Variants in CEBPZ observed in about 807,000 individuals in gnomAD.
CEBPZ encodes CCAAT/enhancer-binding protein zeta.
A neutral mutation model predicts 104.5 loss-of-function variants in CEBPZ; 78 were observed. The observed-to-expected ratio is 0.75, with a 90% CI of 0.62 to 0.90. The LOEUF (loss-of-function observed/expected upper bound fraction) is 0.90. Ranked by LOEUF, CEBPZ falls within the 40% of genes least tolerant of loss-of-function variation. The pLI is 0.00. For synonymous variants in CEBPZ, 470 were observed against 427.0 expected (o/e 1.10, Z -1.24); for missense variants, 1,439 against 1,233.5 (o/e 1.17, Z -2.50).
rs144243454 is a variant in CEBPZ at position 37,223,562 on chromosome 2, T to C, written c.1650-161A>G. On this transcript the variant is annotated intron_variant, in intron 2 of 15. Transcript: ENST00000234170. Reference sequence around the variant, plus strand: ...CCCTAAGAGGTAAGATGGAAGTCAATGACCAGAAAAGGATGATGATGGCAC... The same window carrying C: ...CCCTAAGAGGTAAGATGGAAGTCAACGACCAGAAAAGGATGATGATGGCAC... Among the ~76,000 whole-genome samples the C allele has an allele frequency of 3.9e-4, 60 of 152,300 alleles. No homozygotes were observed. In the East Asian group the frequency reaches 0.01, roughly 26 times the overall value.
At chr2:37,230,349 A>C (rs1383684310) in intron 1 of CEBPZ, among the ~76,000 whole-genome samples, 1 of 152,240 alleles carries the variant, frequency 6.6e-6, no homozygotes, top group Admixed American at 6.5e-5. Context: ...AAAGATATAA[A>C]ATGCAGTTGT....
At chr2:37,203,865 T>C (rs1293346560) in intron 13 of CEBPZ, 1 of 152,214 alleles carries the variant, frequency 6.6e-6, no homozygotes, top group Non-Finnish European at 1.5e-5. Flanking sequence ...ATCCATGTTG[T>C]AGTACTCCAT....
Position 37,222,410 on chromosome 2 carries a change from C to G in CEBPZ, c.2035G>C (p.Ala679Pro). 6.3e-7 allele frequency: 1 copy of G among 1,594,080 alleles called. No homozygotes were observed. Among genetic ancestry groups the G allele is most frequent in the Non-Finnish European group, 8.5e-7 (1 of 1,173,928 alleles). ...AAATTATCAAAGTGCACCCAGGAAG[C>G]AACCTCTGGTTTTTTGGTTTCTACA... is the stretch of plus-strand genomic sequence containing the variant. ...TDVETKKPEV[A>P]SWVHFDNLKG... The change falls in exon 4 of 16, where the codon GCT (alanine) becomes CCT (proline). Residue 679 changes from alanine to proline, a missense_variant. Physicochemically the swap from Ala to Pro is conservative, Grantham distance 27. Transcript: ENST00000234170.
At chr2:37,217,190 A>T (rs1431651149) in intron 5 of CEBPZ, among the ~76,000 whole-genome samples, 153 bp from the exon 6 acceptor site, 1 of 152,048 alleles carries the variant, frequency 6.6e-6, no homozygotes, top group Non-Finnish European at 1.5e-5. Flanking sequence ...TTGAGCCCAG[A>T]AGTTGAGACT....
intron 13 of CEBPZ, chr2:37,204,008 G>GT (rs1677417446): frequency 6.6e-6 from 1 of 152,102 alleles, no homozygotes; most frequent in Non-Finnish European, 1.5e-5. Context: ...ACAAGTCTTT[G>GT]TATCAGAGCC....
intron 13 of CEBPZ, chr2:37,209,059 A>AG (rs70949743): frequency 1.3e-5 from 2 of 150,262 alleles, no homozygotes; most frequent in African/African-American, 4.9e-5. Context: ...AAAAAAAAAA[A>AG]AATAATAATA....
At chr2:37,209,973 G>A (rs1677667323) in intron 13 of CEBPZ, 1 of 152,086 alleles carries the variant, frequency 6.6e-6, no homozygotes, top group South Asian at 2.1e-4. Context: ...TTAAGGATAT[G>A]AACAGACAAT....
chr2:37,203,326 A>G (rs1239879010), intron 13 of CEBPZ: 1 of 177,220 alleles, frequency 5.6e-6, no homozygotes, highest in African/African-American at 2.4e-5. Context: ...TCAGTTTGAC[A>G]TGGATGGGTT....
chr2:37,214,871 T>C lies in CEBPZ; in HGVS notation c.2447+15A>G. 1 of 1,556,124 alleles carries C rather than the reference T, an allele frequency of 6.4e-7. No homozygotes were observed. Among genetic ancestry groups the C allele is most frequent in the Non-Finnish European group, 8.8e-7 (1 of 1,134,268 alleles). On this transcript the variant is annotated intron_variant, in intron 9 of 15. Transcript: ENST00000234170. Reference sequence around the variant, plus strand: ...TTAGCAGTTTCCCCAAATGAAACTATATTATGTATAGTACCTGTGGAAAAA... The same window carrying C: ...TTAGCAGTTTCCCCAAATGAAACTACATTATGTATAGTACCTGTGGAAAAA...
chr2:37,211,792 C>T lies in CEBPZ; in HGVS notation c.2800+51G>A, dbSNP rs763886526. Reference sequence around the variant, plus strand: ...CTTTAGCAGAAAAACAAACTTAAGGCTAAGGAAGTGAGGAAGACACAGTTT... The same window carrying T: ...CTTTAGCAGAAAAACAAACTTAAGGTTAAGGAAGTGAGGAAGACACAGTTT... On this transcript the variant is annotated intron_variant, in intron 12 of 15. Transcript: ENST00000234170. 4.4e-6 allele frequency: 6 copies of T among 1,367,616 alleles called. 1 individual carries two copies. In the South Asian group the frequency reaches 8.7e-5, roughly 20 times the overall value. The allele number at this position is 1,367,616 out of a possible 1,614,324, so 84.7% of individuals were successfully genotyped here. A position where few individuals can be genotyped will look rare whatever the true frequency, so the allele number is the denominator to read the frequency against.
chr2:37,207,948 T>G (rs1319953009), intron 13 of CEBPZ, among the ~76,000 whole-genome samples: 1 of 151,960 alleles, frequency 6.6e-6, no homozygotes, highest in Non-Finnish European at 1.5e-5. Flanking sequence ...TAAGCTCAAT[T>G]AGAGACGAAA....
At chr2:37,210,927 C>G in intron 13 of CEBPZ, 72 bp downstream of exon 13, 3 of 961,430 alleles carry the variant, frequency 3.1e-6, no homozygotes, top group Non-Finnish European at 1.5e-6. Flanking sequence ...TAGGAGAGTT[C>G]ATTTCCCAAA....
intron 5 of CEBPZ, among the ~76,000 whole-genome samples, chr2:37,218,463 A>G (rs1313214063): frequency 6.6e-6 from 1 of 152,190 alleles, no homozygotes; most frequent in Non-Finnish European, 1.5e-5. Flanking sequence ...AGTCTTTCAC[A>G]TAGCTGTGAA....
intron 10 of CEBPZ, 165 bp from the exon 11 acceptor site, chr2:37,212,557 A>C: frequency 1.7e-6 from 1 of 601,430 alleles, no homozygotes; most frequent in Non-Finnish European, 2.9e-6. Context: ...TAATGTATAC[A>C]AACCTGTGAA....
Position 37,228,103 on chromosome 2 carries a change from G to C in CEBPZ, c.1090C>G (p.Arg364Gly), listed in dbSNP as rs1348911048. The C allele has an allele frequency of 5.6e-6, 9 of 1,614,040 alleles. No homozygotes were observed. The highest frequency in any genetic ancestry group is 2.2e-5 in the South Asian group (2 of 91,086). ...AGCTCATGAGCCACGGTAAGGGCTC[G>C]AGTTTTAGTGGTTACTAATGTATCA... is the stretch of plus-strand genomic sequence containing the variant. ...SHDTLVTTKT[R>G]ALTVAHELLC... The change falls in exon 2 of 16, where the codon CGA (arginine) becomes GGA (glycine). Residue 364 changes from arginine (R) to glycine (G), a missense_variant. Physicochemically the swap from Arg to Gly is moderately radical, Grantham distance 125 (BLOSUM62 -2). Coordinates refer to ENST00000234170, the MANE Select transcript of CEBPZ (RefSeq NM_005760.3).
At position 37,201,704 on chromosome 2, in the gene CEBPZ, T is replaced by C. The variant is rs546484541; in HGVS notation, c.*60A>G. The C allele has an allele frequency of 6.8e-6, 7 of 1,029,388 alleles. No individual in the cohort carries two copies. In the African/African-American group the frequency reaches 7.9e-5, roughly 12 times the overall value. The allele number at this position is 1,029,388 out of a possible 1,614,324, so 63.8% of individuals were successfully genotyped here. ...AATCAGAGAGCTAGATCAAAAAACATGGTTGAACAGCAAAAATTAGATGTA... is the reference window on the plus strand; with the variant it reads ...AATCAGAGAGCTAGATCAAAAAACACGGTTGAACAGCAAAAATTAGATGTA... On this transcript the variant is annotated 3_prime_UTR_variant, in exon 16 of 16. Transcript: ENST00000234170.
intron 11 of CEBPZ, 83 bp from the exon 12 acceptor site, chr2:37,212,122 ATTAAATGACTC>A: frequency 8.3e-7 from 1 of 1,209,514 alleles, no homozygotes; most frequent in African/African-American, 1.5e-5. Context: ...GCAGTAGGCT[ATTAAATGACTC>A]AGAAGGAGAA....
intron 2 of CEBPZ, 146 bp downstream of exon 2, chr2:37,227,398 T>G: frequency 1.7e-6 from 1 of 590,870 alleles, no homozygotes; most frequent in South Asian, 2.9e-5. Context: ...TTAAGTGACT[T>G]ACTTGAAGGT....
intron 2 of CEBPZ, 118 bp downstream of exon 2, chr2:37,227,426 T>C: frequency 1.1e-6 from 1 of 898,732 alleles, no homozygotes; most frequent in Non-Finnish European, 1.6e-6. Context: ...AGCAAGCTGC[T>C]GAGGGGGCCT....
Sources: gnomAD v4.1 joint callset for allele counts (sites outside exome capture counted in the v4.1 genomes callset) on GRCh38, gnomAD v4.1.1 for gene constraint, MANE v1.5 for transcripts, NCBI Gene and HGNC (gene_info 2026-07-23, HGNC 2026-07-21) for gene names.